Variants in PCSK1 observed in about 807,000 individuals in gnomAD.
The protein encoded by PCSK1 is proprotein convertase subtilisin/kexin type 1.
In PCSK1, 56 loss-of-function variants were observed where a neutral mutation model predicts 90.6. The ratio of observed to expected loss-of-function variants is 0.62; its 90% CI spans 0.50 to 0.77. The LOEUF is 0.77. PCSK1 is among the 30% of genes least tolerant of loss of function. The probability of loss-of-function intolerance (pLI) is 0.00; values close to 1 mark genes in which losing one functional copy is unlikely to be tolerated. For synonymous variants in PCSK1, 348 were observed against 342.4 expected (o/e 1.02, Z -0.18); for missense variants, 801 against 932.6 (o/e 0.86, Z 1.84).
At position 96,402,323 on chromosome 5, in the gene PCSK1, G is replaced by A. The variant is rs547211287; in HGVS notation, c.1197-2137C>T. Among the ~76,000 whole-genome samples, 8 of 152,336 alleles carry A rather than the reference G, an allele frequency of 5.3e-5. No individual in the cohort carries two copies. The South Asian group carries it at 1.7e-3, about 32-fold the overall frequency. On this transcript the variant is annotated intron_variant, in intron 9 of 13. Coordinates refer to ENST00000311106, the MANE Select transcript of PCSK1 (RefSeq NM_000439.5). ...CACAGTGTGCAGTTTGTGGCTCGCA[G>A]CCTCTGAGAGGAGTTTCCATGAAGG...
At position 96,394,890 on chromosome 5, in the gene PCSK1, C is replaced by T. The variant is rs757788237; in HGVS notation, c.1858G>A (p.Val620Met). The change falls in exon 13 of 14, where the codon GTG becomes ATG. Residue 620 changes from valine (V) to methionine (M), a missense_variant. Val to Met is a conservative substitution (Grantham distance 21, BLOSUM62 1). Transcript: ENST00000311106. ...TCCCCTGGATCCACCATCTTCTCCA[C>T]CCCTCTTCTGTCATTCTGAACAGTG... ...YNTVQNDRRG[V>M]EKMVDPGEEQ... The T allele has an allele frequency of 6.2e-7, 1 of 1,614,110 alleles. No individual in the cohort carries two copies. The highest frequency in any genetic ancestry group is 8.5e-7 in the Non-Finnish European group (1 of 1,179,984).
At chr5:96,403,199 C>T (rs888804234) in intron 9 of PCSK1, among the ~76,000 whole-genome samples, 2 of 152,062 alleles carry the variant, frequency 1.3e-5, no homozygotes, top group Non-Finnish European at 2.9e-5. Context: ...TAAAAATTTC[C>T]TTTATCTAGT....
chr5:96,403,632 G>C (rs369166649), intron 9 of PCSK1, among the ~76,000 whole-genome samples: 26 of 152,242 alleles, frequency 1.7e-4, no homozygotes, highest in African/African-American at 6.0e-4. Flanking sequence ...AGAAAATAAG[G>C]GTATGGAATT....
At chr5:96,407,125 A>G (rs1465726877) in intron 9 of PCSK1, among the ~76,000 whole-genome samples, 1 of 152,198 alleles carries the variant, frequency 6.6e-6, no homozygotes, top group African/African-American at 2.4e-5. Context: ...GGTTGTGAAG[A>G]TTTTTTCTGA....
chr5:96,405,386 G>C (rs1239344733), intron 9 of PCSK1, among the ~76,000 whole-genome samples: 1 of 152,084 alleles, frequency 6.6e-6, no homozygotes, highest in Non-Finnish European at 1.5e-5. Flanking sequence ...AGAGATTCAT[G>C]GACCCCTTGG....
intron 8 of PCSK1, 125 bp from the exon 9 acceptor site, chr5:96,408,448 C>T (rs906917235): frequency 8.4e-6 from 6 of 714,960 alleles, no homozygotes; most frequent in Admixed American, 2.0e-5. Context: ...ATTCGATTGC[C>T]TACTTTCTCC....
intron 8 of PCSK1, 127 bp from the exon 9 acceptor site, chr5:96,408,450 A>G: frequency 2.8e-6 from 2 of 714,928 alleles, no homozygotes; most frequent in Non-Finnish European, 5.1e-6. Flanking sequence ...TCGATTGCCT[A>G]CTTTCTCCTC....
chr5:96,432,306 T>A (rs1761532763), intron 1 of PCSK1: 2 of 620,384 alleles, frequency 3.2e-6, no homozygotes, highest in Non-Finnish European at 5.7e-6. Flanking sequence ...CCCAACCTCC[T>A]GGTCGCGAGT....
chr5:96,413,800 CAAAA>C lies in PCSK1; in HGVS notation c.710-1314_710-1311del, dbSNP rs34702966. The stretch of plus-strand genomic sequence containing the variant: ...TGGGCAACAGAGCAAGACTCTGTCT[CAAAA>C]AAAAAAAAAAAAAATGCATTTAGAA... On this transcript the variant is annotated intron_variant, in intron 6 of 13. Coordinates refer to ENST00000311106, the MANE Select transcript of PCSK1 (RefSeq NM_000439.5). 5.5e-4 allele frequency among the ~76,000 whole-genome samples: 58 copies of C among 105,684 alleles called. 1 individual carries two copies. Among genetic ancestry groups the C allele is most frequent in the South Asian group, 1.0e-3 (3 of 2,908 alleles). 69.3% of individuals were successfully genotyped at this position (105,684 alleles called of 152,430 possible).
chr5:96,398,753 T>G (rs1760251886), intron 11 of PCSK1, 126 bp downstream of exon 11: 2 of 819,636 alleles, frequency 2.4e-6, no homozygotes, highest in Admixed American at 2.0e-5. Context: ...AAAATAAGCA[T>G]GTTTTTTAAG....
chr5:96,432,159 C>T (rs1761524235), intron 1 of PCSK1: 1 of 1,533,614 alleles, frequency 6.5e-7, no homozygotes. Flanking sequence ...TGGGACTGGC[C>T]GGGCAAAGTT....
At chr5:96,432,186 A>C in intron 1 of PCSK1, 1 of 1,497,798 alleles carries the variant, frequency 6.7e-7, no homozygotes, top group Non-Finnish European at 9.0e-7. Flanking sequence ...CTTGGACTTT[A>C]TAAGTTCCCA....
chr5:96,401,673 G>A (rs1483568310), intron 9 of PCSK1, among the ~76,000 whole-genome samples: 1 of 152,130 alleles, frequency 6.6e-6, no homozygotes, highest in Non-Finnish European at 1.5e-5. Context: ...TCTGCTATAT[G>A]TGCATATTCT....
chr5:96,419,447 CTA>C (rs904773061), intron 5 of PCSK1, among the ~76,000 whole-genome samples: 3 of 148,162 alleles, frequency 2.0e-5, no homozygotes, highest in Admixed American at 6.7e-5. Context: ...CTCTCTCTCT[CTA>C]TATATATATA....
rs1471131685 is a variant in PCSK1 at position 96,397,351 on chromosome 5, C to T, written c.1707G>A (p.Leu569=). 3 of 1,613,188 alleles carry T rather than the reference C, an allele frequency of 1.9e-6. No homozygotes were observed. The highest frequency in any genetic ancestry group is 2.5e-6 in the Non-Finnish European group (3 of 1,179,200). Residue 569 remains leucine, a synonymous_variant, in exon 12 of 14, where the codon TTG becomes TTA. Coordinates refer to ENST00000311106, the MANE Select transcript of PCSK1 (RefSeq NM_000439.5). The part of the protein sequence containing the change: ...WGENPIGTWT[L]RITDMSGRIQ... ...TCACACTTACCATGTCTGTAATTCT[C>T]AAAGTCCAAGTACCTATAGGGTTCT...
chr5:96,425,004 AAAG>A lies in PCSK1; in HGVS notation c.396+813_396+815del, dbSNP rs1318129748. On this transcript the variant is annotated intron_variant, in intron 3 of 13. Coordinates refer to ENST00000311106, the MANE Select transcript of PCSK1 (RefSeq NM_000439.5). ...TAGAAAGAAAGAAAGAAAGAGAAAG[AAAG>A]AAAAGAAAGAAAGAAAGAAAGAAAG... Among the ~76,000 whole-genome samples the A allele has an allele frequency of 1.4e-3, 178 of 127,892 alleles. 2 individuals are homozygous for A. Among genetic ancestry groups the A allele is most frequent in the African/African-American group, 5.8e-3 (173 of 29,638 alleles). 83.9% of individuals were successfully genotyped at this position (127,892 alleles called of 152,430 possible).
At chr5:96,424,814 T>G (rs1447674312) in intron 3 of PCSK1, among the ~76,000 whole-genome samples, 1 of 151,614 alleles carries the variant, frequency 6.6e-6, no homozygotes, top group African/African-American at 2.4e-5. Flanking sequence ...AATACAAAAA[T>G]TAGCTGGGCA....
intron 9 of PCSK1, among the ~76,000 whole-genome samples, chr5:96,402,786 TC>T (rs1329599469): frequency 1.3e-5 from 2 of 151,996 alleles, no homozygotes; most frequent in African/African-American, 4.8e-5. Context: ...TGAGCTGAGC[TC>T]CCGACAAACA....
intron 9 of PCSK1, among the ~76,000 whole-genome samples, chr5:96,401,345 G>A (rs541681101): frequency 6.6e-6 from 1 of 152,154 alleles, no homozygotes; most frequent in Non-Finnish European, 1.5e-5. Context: ...ACCAAAGTGG[G>A]ACAGTACAGG....
Sources: gnomAD v4.1 joint callset for allele counts (sites outside exome capture counted in the v4.1 genomes callset) on GRCh38, gnomAD v4.1.1 for gene constraint, MANE v1.5 for transcripts, NCBI Gene and HGNC (gene_info 2026-07-23, HGNC 2026-07-21) for gene names.